IFNA17: variants seen among roughly 807,000 people sequenced by gnomAD.
IFNA17 encodes the protein interferon alpha-17.
For missense variants in IFNA17, 285 were observed against 212.7 expected, an observed-to-expected ratio of 1.34 and a Z score of -2.11; for synonymous variants, 107 against 80.5, an observed-to-expected ratio of 1.33 and a Z score of -1.76.
Position 21,227,539 on chromosome 9 carries a change from G to A in IFNA17, c.*65C>T, listed in dbSNP as rs1062583. ...TATAGAAGTGAGTCTTTGAAATGGA[G>A]GAACTCATGAAAGTGTGAGATAATG... On this transcript the variant is annotated 3_prime_UTR_variant, in exon 1 of 1. Transcript: ENST00000413767. The A allele has an allele frequency of 6.8e-4, 1,080 of 1,587,398 alleles. 4 individuals carry two copies. The highest frequency in any genetic ancestry group is 5.3e-3 in the Middle Eastern group (23 of 4,316).
At position 21,228,058 on chromosome 9, in the gene IFNA17, A is replaced by C; in HGVS notation, c.116T>G (p.Ile39Arg). 6.2e-7 allele frequency: 1 copy of C among 1,614,148 alleles called. No homozygotes were observed. Among genetic ancestry groups the C allele is most frequent in the South Asian group, 1.1e-5 (1 of 91,084 alleles). ...GATTCTTCCCATTTGTGCCAGGAGT[A>C]TCAAGGCCCTCCTATTACCCAGGCT... Reference protein sequence around the residue: ...THSLGNRRALILLAQMGRISP... With the variant: ...THSLGNRRALRLLAQMGRISP... The change falls in exon 1 of 1, where the codon ATA (isoleucine) becomes AGA (arginine). Residue 39 changes from isoleucine to arginine, a missense_variant. By Grantham distance (97) the Ile-to-Arg change is moderately conservative. Transcript: ENST00000413767.
chr9:21,227,811 T>C lies in IFNA17; in HGVS notation c.363A>G (p.Ala121=), dbSNP rs1216815293. Residue 121 remains alanine, a synonymous_variant, in exon 1 of 1, where the codon GCA becomes GCG. Transcript: ENST00000413767. ...CCATCCCAACCTCCTGTATCACACA[T>C]GCTTCCAGGTTATTCAGTTGCTGGT... ...ELYQQLNNLE[A]CVIQEVGMEE... 5.6e-6 allele frequency: 9 copies of C among 1,613,812 alleles called. No individual in the cohort carries two copies. Among genetic ancestry groups the C allele is most frequent in the African/African-American group, 2.7e-5 (2 of 74,862 alleles).
Position 21,227,524 on chromosome 9 carries a change from A to G in IFNA17, c.*80T>C. On this transcript the variant is annotated 3_prime_UTR_variant, in exon 1 of 1. Coordinates refer to ENST00000413767, the MANE Select transcript of IFNA17 (RefSeq NM_021268.2). ...TCAACTCGTGGTGGTTATAGAAGTG[A>G]GTCTTTGAAATGGAGGAACTCATGA... 2 of 1,575,004 alleles carry G rather than the reference A, an allele frequency of 1.3e-6. No homozygotes were observed. Among genetic ancestry groups the G allele is most frequent in the Non-Finnish European group, 1.7e-6 (2 of 1,163,710 alleles).
Sources: gnomAD v4.1 joint callset for allele counts on GRCh38, gnomAD v4.1.1 for gene constraint, MANE v1.5 for transcripts, NCBI Gene and HGNC (gene_info 2026-07-23, HGNC 2026-07-21) for gene names.